The following AGO3 variants were observed in gnomAD, a reference collection of about 807,000 sequenced individuals.
AGO3 encodes the protein argonaute RISC catalytic component 3, also known as protein argonaute-3.
Under a neutral mutation model 105.5 loss-of-function variants are expected in AGO3, and 16 were observed. The observed-to-expected ratio is 0.15, with a 90% CI of 0.10 to 0.23. The LOEUF is 0.23. Ranked by LOEUF, AGO3 falls within the 10% of genes least tolerant of loss-of-function variation. The probability of loss-of-function intolerance (pLI) is 1.00; values close to 1 mark genes in which losing one functional copy is unlikely to be tolerated. For missense variants in AGO3, 534 were observed against 1,088.0 expected (o/e 0.49, Z 7.16); for synonymous variants, 340 against 367.3 (o/e 0.93, Z 0.85).
rs760722711 is a variant in AGO3, at chr1:36,013,944, A to T, written c.1302A>T (p.Gly434=). The T allele has an allele frequency of 3.7e-6, 6 of 1,613,816 alleles. No individual in the cohort carries two copies. The highest frequency in any genetic ancestry group is 1.3e-5 in the African/African-American group (1 of 74,846). The stretch of plus-strand genomic sequence containing the variant: ...GGACAGTAGCAACACCGAGCCATGG[A>T]GTATGGGACATGCGAGGGAAACAAT... The part of the protein sequence containing the change: ...RNRTVATPSH[G]VWDMRGKQFH... The change falls in exon 11 of 19, where the codon GGA becomes GGT. Residue 434 remains glycine (G), a synonymous_variant. Transcript: ENST00000373191.
chr1:35,964,651 A>G (rs1045388465), intron 2 of AGO3, among the ~76,000 whole-genome samples: 2 of 152,118 alleles, frequency 1.3e-5, no homozygotes, highest in Admixed American at 6.5e-5. Context: ...TAGTAATGGG[A>G]TTGCTGGGTT....
intron 1 of AGO3, among the ~76,000 whole-genome samples, chr1:35,936,457 C>T (rs1646147757): frequency 6.6e-6 from 1 of 152,122 alleles, no homozygotes; most frequent in Admixed American, 6.6e-5. Context: ...TTGCTCTCGT[C>T]GCCCAGGCTA....
In AGO3 at chr1:35,972,191, C is replaced by A; in HGVS notation, c.480C>A (p.Val160=). ...ACAAGCCAATCAGCACTAACCCTGT[C>A]CATGCCGTTGATGTGGTGCTACGAC... ...ELDKPISTNP[V]HAVDVVLRHL... is the part of the protein sequence containing the mutation. The change falls in exon 4 of 19, where the codon GTC becomes GTA. Residue 160 remains valine, a synonymous_variant. Coordinates refer to ENST00000373191, the MANE Select transcript of AGO3 (RefSeq NM_024852.4). The A allele has an allele frequency of 1.2e-6, 2 of 1,614,044 alleles. No homozygotes were observed. The highest frequency in any genetic ancestry group is 1.7e-6 in the Non-Finnish European group (2 of 1,180,026).
At position 36,022,737 on chromosome 1, in the gene AGO3, G is replaced by T. The variant is rs191137672; in HGVS notation, c.1407-4377G>T. On this transcript the variant is annotated intron_variant, in intron 11 of 18. Transcript: ENST00000373191. ...ACCTGAGGTCAGGAGTTCGAGACCA[G>T]CCTGGCCAACATGGTGAAACCCCAT... 4.8e-3 allele frequency among the ~76,000 whole-genome samples: 725 copies of T among 152,102 alleles called. 1 individual carries two copies. The highest frequency in any genetic ancestry group is 8.5e-3 in the Non-Finnish European group (577 of 67,992).
chr1:35,963,023 A>G (rs1646706543), intron 2 of AGO3, among the ~76,000 whole-genome samples: 1 of 152,232 alleles, frequency 6.6e-6, no homozygotes, highest in Non-Finnish European at 1.5e-5. Flanking sequence ...GGCTGGACGC[A>G]GGGAAATAGG....
At chr1:36,024,711 T>G (rs975564640) in intron 11 of AGO3, among the ~76,000 whole-genome samples, 10 of 152,184 alleles carry the variant, frequency 6.6e-5, no homozygotes, top group African/African-American at 2.4e-4. Flanking sequence ...TGAGACAGAG[T>G]CTCACTCTGT....
chr1:35,945,666 CT>C (rs200388327), intron 1 of AGO3, 25 bp from the exon 2 acceptor site: 49 of 1,583,796 alleles, frequency 3.1e-5, no homozygotes, highest in Admixed American at 1.2e-4. Flanking sequence ...AACTGTGACT[CT>C]TTTTTTTTCC....
chr1:36,044,395 T>TG lies in AGO3; in HGVS notation c.2274+847_2274+848insG, dbSNP rs1553171184. On this transcript the variant is annotated intron_variant, in intron 17 of 18. Transcript: ENST00000373191. ...TGTAGAATTACAGCTTTAGTTTTTT[T>TG]TTGTTGTTGTTGTTGTTTTGTTTTG... 1.2e-3 allele frequency among the ~76,000 whole-genome samples: 178 copies of TG among 152,002 alleles called. 2 individuals carry two copies. The East Asian group carries it at 0.03, about 26-fold the overall frequency.
intron 2 of AGO3, among the ~76,000 whole-genome samples, chr1:35,948,458 TCC>T (rs562041109): frequency 2.8e-5 from 4 of 142,748 alleles, no homozygotes; most frequent in African/African-American, 5.2e-5. Flanking sequence ...GACCTTGTGG[TCC>T]CCCCCCGCCC....
chr1:35,931,273 C>A lies in AGO3; in HGVS notation c.-154C>A. On this transcript the variant is annotated 5_prime_UTR_variant, in exon 1 of 19. Transcript: ENST00000373191. The stretch of plus-strand genomic sequence containing the variant: ...CGCGACTCTTCCGGCCCAGAGCTTT[C>A]GGAGTGCGGTTGCTCAGGGGAAGCC... 1.8e-6 allele frequency: 1 copy of A among 541,392 alleles called. No individual in the cohort carries two copies. 33.5% of individuals were successfully genotyped at this position (541,392 alleles called of 1,614,324 possible). A position where few individuals can be genotyped will look rare whatever the true frequency, so the allele number is the denominator to read the frequency against.
intron 17 of AGO3, among the ~76,000 whole-genome samples, chr1:36,048,303 C>T (rs910102242): frequency 1.3e-5 from 2 of 152,006 alleles, no homozygotes; most frequent in African/African-American, 4.8e-5. Flanking sequence ...ATCAATCAAT[C>T]AATCAATCAA....
At chr1:35,996,447 AAGT>A (rs750245116) in intron 5 of AGO3, among the ~76,000 whole-genome samples, 9 of 152,078 alleles carry the variant, frequency 5.9e-5, no homozygotes, top group African/African-American at 9.7e-5. Context: ...AATAGAAAAA[AAGT>A]AGTAGTAAAA....
At position 35,983,004 on chromosome 1, in the gene AGO3, T is replaced by C. The variant is rs185854839; in HGVS notation, c.658+9493T>C. The C allele has an allele frequency of 1.6e-4, 29 of 185,620 alleles. No individual in the cohort carries two copies. In the East Asian group the frequency reaches 3.5e-3, roughly 22 times the overall value. The allele number at this position is 185,620 out of a possible 1,614,324, so 11.5% of individuals were successfully genotyped here. ...GGGCTAGCTAGGCAAGTCTGAAATTTTGGGGGCAGGCTGTCAGGAAGGGCA... is the reference window on the plus strand; with the variant it reads ...GGGCTAGCTAGGCAAGTCTGAAATTCTGGGGGCAGGCTGTCAGGAAGGGCA... On this transcript the variant is annotated intron_variant, in intron 5 of 18. Coordinates refer to ENST00000373191, the MANE Select transcript of AGO3 (RefSeq NM_024852.4).
chr1:35,956,395 A>G (rs1286929200), intron 2 of AGO3, among the ~76,000 whole-genome samples: 2 of 152,216 alleles, frequency 1.3e-5, no homozygotes, highest in Non-Finnish European at 2.9e-5. Flanking sequence ...GTTATTGGAA[A>G]TAAGTGTCTA....
chr1:35,967,132 C>T (rs556647497), intron 3 of AGO3, 57 bp downstream of exon 3: 23 of 1,553,740 alleles, frequency 1.5e-5, no homozygotes, highest in African/African-American at 8.3e-5. Flanking sequence ...TCCTTTTACA[C>T]GCATTTATTA....
intron 17 of AGO3, 132 bp downstream of exon 17, chr1:36,043,680 A>ACCCACG: frequency 4.0e-6 from 3 of 749,858 alleles, no homozygotes. Context: ...ATTAGATGAA[A>ACCCACG]CTTTCAGTAA....
intron 17 of AGO3, among the ~76,000 whole-genome samples, chr1:36,048,455 A>G (rs1427467440): frequency 6.6e-6 from 1 of 152,192 alleles, no homozygotes. Flanking sequence ...GTCAATAATC[A>G]TTATTATGGA....
Position 36,008,445 on chromosome 1 carries a change from A to G in AGO3, c.794-245A>G, listed in dbSNP as rs1381509095. Among the ~76,000 whole-genome samples the G allele has an allele frequency of 2.6e-5, 4 of 152,070 alleles. No individual in the cohort carries two copies. Among genetic ancestry groups the G allele is most frequent in the African/African-American group, 9.7e-5 (4 of 41,398 alleles). On this transcript the variant is annotated intron_variant, in intron 6 of 18. Coordinates refer to ENST00000373191, the MANE Select transcript of AGO3 (RefSeq NM_024852.4). This position sits in a 1 kb window ranked among gnomAD's most constrained non-coding sequence, Gnocchi z 5.1. ...TTGATCTATGGGCTTTGCAAATTTT[A>G]TGATTTTATTTTTTAATGTGTAGAG...
intron 3 of AGO3, among the ~76,000 whole-genome samples, chr1:35,970,330 C>G (rs1335776530): frequency 6.6e-6 from 1 of 152,130 alleles, no homozygotes; most frequent in Non-Finnish European, 1.5e-5. Context: ...AGTTCACACC[C>G]GATTCTTCCA....
Sources: allele counts gnomAD v4.1 joint callset (sites outside exome capture counted in the v4.1 genomes callset), GRCh38; gene constraint gnomAD v4.1.1; non-coding constraint Gnocchi (gnomAD v3.1); transcripts MANE v1.5; gene names NCBI Gene and HGNC (gene_info 2026-07-23, HGNC 2026-07-21).